Variants in PLEKHA6 observed in about 807,000 individuals in gnomAD.
PLEKHA6 encodes the protein pleckstrin homology domain containing A6.
In PLEKHA6, 60 loss-of-function variants were observed where a neutral mutation model predicts 116.7. The observed-to-expected ratio is 0.51, with a 90% CI of 0.42 to 0.64. The LOEUF (loss-of-function observed/expected upper bound fraction) is 0.64, where lower values mean the gene tolerates loss of function less well. Among genes scored for constraint, PLEKHA6 ranks in the 30% least tolerant of loss-of-function variants. The probability of loss-of-function intolerance (pLI) is 0.00; values close to 1 mark genes in which losing one functional copy is unlikely to be tolerated. For missense variants in PLEKHA6, 1,338 were observed against 1,422.7 expected (o/e 0.94, Z 0.96); for synonymous variants, 489 against 556.1 (o/e 0.88, Z 1.70).
chr1:204,291,047 A>G (rs1572090131), intron 1 of PLEKHA6, among the ~76,000 whole-genome samples: 1 of 132,994 alleles, frequency 7.5e-6, no homozygotes, highest in African/African-American at 2.6e-5. Flanking sequence ...TAAACAGAGA[A>G]AATATTTGCA....
chr1:204,344,597 C>A (rs987293493), intron 1 of PLEKHA6, among the ~76,000 whole-genome samples: 3 of 30,098 alleles, frequency 1.0e-4, no homozygotes. Context: ...GAGACTCCAT[C>A]TCAAAAAAAA....
chr1:204,278,974 T>C (rs1304313286), intron 1 of PLEKHA6, among the ~76,000 whole-genome samples: 1 of 152,156 alleles, frequency 6.6e-6, no homozygotes, highest in African/African-American at 2.4e-5. Flanking sequence ...ATTAATTACT[T>C]CCTCTCCATG....
intron 2 of PLEKHA6, 186 bp downstream of exon 2, chr1:204,274,543 G>A: frequency 1.1e-6 from 1 of 945,026 alleles, no homozygotes; most frequent in Non-Finnish European, 1.3e-6. Flanking sequence ...TAGGAAAAGT[G>A]GATGAGGGTG....
chr1:204,266,187 AG>A (rs1046111067), intron 5 of PLEKHA6, among the ~76,000 whole-genome samples: 7 of 152,160 alleles, frequency 4.6e-5, no homozygotes, highest in Non-Finnish European at 8.8e-5. Context: ...ACCTGGAGGA[AG>A]GGGTAAACCA....
intron 21 of PLEKHA6, among the ~76,000 whole-genome samples, chr1:204,226,795 T>C (rs1314100930): frequency 2.0e-5 from 3 of 152,250 alleles, no homozygotes; most frequent in East Asian, 3.8e-4. Context: ...ATCTGGTTTC[T>C]GAAAATATCC....
At chr1:204,289,497 G>C (rs1442110765) in intron 1 of PLEKHA6, among the ~76,000 whole-genome samples, 4 of 152,122 alleles carry the variant, frequency 2.6e-5, no homozygotes, top group African/African-American at 9.7e-5. Context: ...CCTGCCAGGG[G>C]GCCTTATCTT....
intron 1 of PLEKHA6, among the ~76,000 whole-genome samples, chr1:204,293,378 G>A (rs560863269): frequency 7.2e-5 from 11 of 152,132 alleles, no homozygotes; most frequent in African/African-American, 1.4e-4. Context: ...CAGGTGATCC[G>A]CCCGCCTTGG....
intron 17 of PLEKHA6, among the ~76,000 whole-genome samples, chr1:204,234,608 T>C (rs1160030984): frequency 2.6e-5 from 4 of 152,102 alleles, no homozygotes; most frequent in Admixed American, 6.5e-5. Context: ...CTTGACTGGA[T>C]TGAAGGATAC....
intron 16 of PLEKHA6, 63 bp downstream of exon 16, chr1:204,241,622 C>A (rs4412655): frequency 0.36 from 544,267 of 1,504,410 alleles, 100,602 homozygotes; most frequent in East Asian, 0.52. Flanking sequence ...TGTGAATGAG[C>A]ACCCAGGGCT....
intron 3 of PLEKHA6, among the ~76,000 whole-genome samples, chr1:204,272,451 G>A (rs192662748): frequency 4.5e-4 from 68 of 152,178 alleles, no homozygotes; most frequent in Non-Finnish European, 8.1e-4. Flanking sequence ...TTACCTTCTA[G>A]CTTCCATTCC....
intron 1 of PLEKHA6, among the ~76,000 whole-genome samples, chr1:204,355,004 G>C (rs1400930762): frequency 6.6e-6 from 1 of 152,312 alleles, no homozygotes; most frequent in East Asian, 1.9e-4. Context: ...GCTGCCCTGG[G>C]CATGTGTGTG....
rs183425797 is a variant in PLEKHA6, at chr1:204,342,897, T to C, written c.-95+16797A>G. On this transcript the variant is annotated intron_variant, in intron 1 of 22. Transcript: ENST00000272203. ...AGACCCATGGGGAGGGAATTTTATT[T>C]TAGCCCCGTGTGGGTCAAGAGATTT... is the stretch of plus-strand genomic sequence containing the variant. 1.8e-3 allele frequency among the ~76,000 whole-genome samples: 276 copies of C among 152,318 alleles called. 1 individual carries two copies. Among genetic ancestry groups the C allele is most frequent in the Non-Finnish European group, 1.2e-4 (8 of 68,032 alleles).
intron 9 of PLEKHA6, chr1:204,255,779 G>A: frequency 1.5e-6 from 1 of 683,288 alleles, no homozygotes. Context: ...TTAAGAGTTA[G>A]CGACAAGGAC....
intron 1 of PLEKHA6, among the ~76,000 whole-genome samples, chr1:204,325,232 T>G (rs961212908): frequency 6.6e-6 from 1 of 152,158 alleles, no homozygotes; most frequent in Non-Finnish European, 1.5e-5. Context: ...TATCTACAAG[T>G]TCAGCTCTCT....
In PLEKHA6 at chr1:204,374,326, C is replaced by G. The variant is rs534026231; in HGVS notation, c.84-2720G>C. ...TAGAATCTTCTTCAAGGTCCCCAGT[C>G]AGTTGCCATCTGCAGAGTGCTCCAA... is the stretch of plus-strand genomic sequence containing the variant. On this transcript the variant is annotated intron_variant, in intron 1 of 4. Transcript: ENST00000564627. Among the ~76,000 whole-genome samples the G allele has an allele frequency of 2.5e-4, 38 of 152,334 alleles. 1 individual carries two copies. In the South Asian group the frequency reaches 5.6e-3, roughly 22 times the overall value.
chr1:204,261,854 C>G lies in PLEKHA6; in HGVS notation c.382-406G>C. ...GAGCACATGCCAATCTTAGCCCCAG[C>G]TTCACTGCTGAGAAGCTAGCACTGT... On this transcript the variant is annotated intron_variant, in intron 6 of 22. Transcript: ENST00000272203. This position sits in a 1 kb window ranked among gnomAD's most constrained non-coding sequence, Gnocchi z 4.0. The G allele has an allele frequency of 3.3e-6, 1 of 302,172 alleles. No homozygotes were observed. Among genetic ancestry groups the G allele is most frequent in the Non-Finnish European group, 6.1e-6 (1 of 164,172 alleles). 18.7% of individuals were successfully genotyped at this position (302,172 alleles called of 1,614,324 possible).
At chr1:204,289,510 C>A (rs1669533327) in intron 1 of PLEKHA6, among the ~76,000 whole-genome samples, 2 of 152,218 alleles carry the variant, frequency 1.3e-5, no homozygotes, top group Admixed American at 1.3e-4. Context: ...CTTATCTTAT[C>A]TCCTGGGCTG....
rs1318890689 is a variant in PLEKHA6, at chr1:204,222,711, T to C, written c.*77A>G. On this transcript the variant is annotated 3_prime_UTR_variant, in exon 23 of 23. Coordinates refer to ENST00000272203, the MANE Select transcript of PLEKHA6 (RefSeq NM_014935.5). ...CAGGGTGGGGAGCCAGGACCTCAGG[T>C]GGGCAGAGGACGGCTTCAGAATGTG... 1 of 152,794 alleles carries C rather than the reference T, an allele frequency of 6.5e-6. No homozygotes were observed. The highest frequency in any genetic ancestry group is 1.5e-5 in the Non-Finnish European group (1 of 68,170). The allele number at this position is 152,794 out of a possible 1,614,324, so 9.5% of individuals were successfully genotyped here.
rs945082914 is a variant in PLEKHA6 at position 204,261,821 on chromosome 1, G to A, written c.382-373C>T. ...CAATGACCCCATGTCTGGGAGAGAG[G>A]ACCCCCTGAGCACATGCCAATCTTA... On this transcript the variant is annotated intron_variant, in intron 6 of 22. Transcript: ENST00000272203. This position sits in a 1 kb window ranked among gnomAD's most constrained non-coding sequence, Gnocchi z 4.0. The A allele has an allele frequency of 8.0e-6, 3 of 373,638 alleles. No homozygotes were observed. The highest frequency in any genetic ancestry group is 1.4e-5 in the Non-Finnish European group (3 of 209,496). The allele number at this position is 373,638 out of a possible 1,614,324, so 23.1% of individuals were successfully genotyped here. A position where few individuals can be genotyped will look rare whatever the true frequency, so the allele number is the denominator to read the frequency against.
Sources: gnomAD v4.1 joint callset for allele counts (sites outside exome capture counted in the v4.1 genomes callset) on GRCh38, gnomAD v4.1.1 for gene constraint, Gnocchi (gnomAD v3.1) non-coding constraint, MANE v1.5 for transcripts, NCBI Gene and HGNC (gene_info 2026-07-23, HGNC 2026-07-21) for gene names.